Variants in SYN2 observed in about 807,000 individuals in gnomAD.
The protein encoded by SYN2 is synapsin II.
A neutral mutation model predicts 50.9 loss-of-function variants in SYN2; 19 were observed. The observed-to-expected ratio is 0.37, with a 90% CI of 0.26 to 0.55. SYN2 has a LOEUF of 0.55. Ranked by LOEUF, SYN2 falls within the 20% of genes least tolerant of loss-of-function variation. The pLI is 0.81. For missense variants in SYN2, 587 were observed against 576.4 expected, an observed-to-expected ratio of 1.02 and a Z score of -0.19; for synonymous variants, 255 against 224.9, an observed-to-expected ratio of 1.13 and a Z score of -1.20.
Position 12,162,145 on chromosome 3 carries a change from A to C in SYN2, c.971A>C (p.Lys324Thr), listed in dbSNP as rs767982219. The change falls in exon 7 of 13, where the codon AAG becomes ACG. Residue 324 changes from lysine (K) to threonine (T), a missense_variant. Physicochemically the swap from Lys to Thr is moderately conservative, Grantham distance 78. Transcript: ENST00000621198. ...GTCCAGAAGATTGGCAACAACTACA[A>C]GGCTTACATGTGAGTAAGAGTGGGG... ...IRVQKIGNNYKAYMRTSISGN... is the reference protein window; with the variant it reads ...IRVQKIGNNYTAYMRTSISGN... 1.9e-6 allele frequency: 3 copies of C among 1,614,104 alleles called. No homozygotes were observed. Among genetic ancestry groups the C allele is most frequent in the Non-Finnish European group, 2.5e-6 (3 of 1,179,992 alleles).
At chr3:12,086,119 A>C (rs1025805221) in intron 1 of SYN2, among the ~76,000 whole-genome samples, 5 of 152,150 alleles carry the variant, frequency 3.3e-5, no homozygotes, top group African/African-American at 9.6e-5. Context: ...AACAAATTGC[A>C]TAAGCAGAAG....
At chr3:12,145,925 C>A in intron 4 of SYN2, 90 bp downstream of exon 4, 8 of 1,549,852 alleles carry the variant, frequency 5.2e-6, no homozygotes, top group Non-Finnish European at 7.0e-6. Context: ...ATGCAGTAGG[C>A]CCCAGCCCCA....
chr3:12,085,562 T>C (rs761062078), intron 1 of SYN2, among the ~76,000 whole-genome samples: 6 of 152,162 alleles, frequency 3.9e-5, no homozygotes, highest in Non-Finnish European at 8.8e-5. Flanking sequence ...TTGCGTATCT[T>C]TTCCAACTAC....
intron 1 of SYN2, among the ~76,000 whole-genome samples, chr3:12,139,167 G>A (rs527649146): frequency 6.6e-6 from 1 of 152,228 alleles, no homozygotes; most frequent in Non-Finnish European, 1.5e-5. Flanking sequence ...GGGTGGCCAG[G>A]GACTTGGATA....
At chr3:12,116,998 G>C (rs754354515) in intron 1 of SYN2, among the ~76,000 whole-genome samples, 3 of 152,004 alleles carry the variant, frequency 2.0e-5, no homozygotes, top group Non-Finnish European at 4.4e-5. Context: ...CAATCTTCCT[G>C]CCTTAGCCTT....
intron 2 of SYN2, among the ~76,000 whole-genome samples, chr3:12,141,601 A>G (rs1697021796): frequency 6.6e-6 from 1 of 152,182 alleles, no homozygotes; most frequent in African/African-American, 2.4e-5. Context: ...AGGCAGCACA[A>G]AGGATGCTGG....
At chr3:12,110,672 A>T (rs1252301395) in intron 1 of SYN2, among the ~76,000 whole-genome samples, 1 of 151,958 alleles carries the variant, frequency 6.6e-6, no homozygotes, top group Non-Finnish European at 1.5e-5. Context: ...CAGCACAGGG[A>T]CTCTGGCCCG....
In SYN2 at chr3:12,190,725, A is replaced by T; in HGVS notation, c.*100A>T. On this transcript the variant is annotated 3_prime_UTR_variant, in exon 13 of 13. Transcript: ENST00000621198. Reference sequence around the variant, plus strand: ...TTGGTGGTTATGTCCCATGACCTTGACGTGTGTGGTCCCTTCCTCTGCTCT... The same window carrying T: ...TTGGTGGTTATGTCCCATGACCTTGTCGTGTGTGGTCCCTTCCTCTGCTCT... 6.6e-7 allele frequency: 1 copy of T among 1,519,276 alleles called. No homozygotes were observed. The highest frequency in any genetic ancestry group is 8.8e-7 in the Non-Finnish European group (1 of 1,137,098). The allele number at this position is 1,519,276 out of a possible 1,614,324, so 94.1% of individuals were successfully genotyped here.
chr3:12,073,093 C>T (rs1190885320), intron 1 of SYN2, among the ~76,000 whole-genome samples: 2 of 152,194 alleles, frequency 1.3e-5, no homozygotes, highest in Non-Finnish European at 2.9e-5. Flanking sequence ...TGGCTCCCAA[C>T]ATTCTACAGT....
chr3:12,092,103 A>C (rs1391346578), intron 1 of SYN2, among the ~76,000 whole-genome samples: 1 of 148,380 alleles, frequency 6.7e-6, no homozygotes, highest in Non-Finnish European at 1.5e-5. Flanking sequence ...TTTTCACCCA[A>C]ATATGCTTTC....
chr3:12,188,160 T>G (rs1457937025), intron 12 of SYN2, among the ~76,000 whole-genome samples: 1 of 152,126 alleles, frequency 6.6e-6, no homozygotes, highest in Non-Finnish European at 1.5e-5. Context: ...CCAAAGGAGG[T>G]CAGTTTCTGG....
At chr3:12,105,170 A>T (rs1394798427) in intron 1 of SYN2, among the ~76,000 whole-genome samples, 2 of 152,116 alleles carry the variant, frequency 1.3e-5, no homozygotes, top group Non-Finnish European at 2.9e-5. Flanking sequence ...AAATTAGAAG[A>T]ATGTCAACTC....
chr3:12,114,004 C>G (rs945330398), intron 1 of SYN2, among the ~76,000 whole-genome samples: 7 of 152,096 alleles, frequency 4.6e-5, no homozygotes, highest in African/African-American at 1.4e-4. Flanking sequence ...TGAGAAACTA[C>G]CAGACTGTTC....
intron 1 of SYN2, among the ~76,000 whole-genome samples, chr3:12,093,514 G>A (rs1043057599): frequency 4.6e-5 from 7 of 152,074 alleles, no homozygotes; most frequent in African/African-American, 1.7e-4. Context: ...GTTTAATGAT[G>A]GCTCTGCCAT....
At chr3:12,026,515 C>A (rs1694260781) in intron 1 of SYN2, among the ~76,000 whole-genome samples, 1 of 152,090 alleles carries the variant, frequency 6.6e-6, no homozygotes, top group African/African-American at 2.4e-5. Context: ...GGATTAACAA[C>A]AAAGGCGGCA....
intron 10 of SYN2, among the ~76,000 whole-genome samples, chr3:12,170,909 C>T (rs1697922306): frequency 6.6e-6 from 1 of 152,202 alleles, no homozygotes; most frequent in Admixed American, 6.5e-5. Context: ...GCTTCGTGAC[C>T]AGCACATAAA....
intron 1 of SYN2, among the ~76,000 whole-genome samples, chr3:12,033,465 T>A (rs1694425901): frequency 6.6e-6 from 1 of 152,060 alleles, no homozygotes; most frequent in Admixed American, 6.6e-5. Flanking sequence ...TGAGGCAGAC[T>A]AGGGTACGAG....
chr3:12,139,174 G>T (rs1470909626), intron 1 of SYN2, among the ~76,000 whole-genome samples: 1 of 152,158 alleles, frequency 6.6e-6, no homozygotes, highest in Non-Finnish European at 1.5e-5. Context: ...CAGGGACTTG[G>T]ATAGGACAAA....
At chr3:12,006,634 C>G (rs6789117) in intron 1 of SYN2, among the ~76,000 whole-genome samples, 1 of 152,234 alleles carries the variant, frequency 6.6e-6, no homozygotes, top group East Asian at 1.9e-4. Context: ...CTGTTTGACT[C>G]CACTGCTTTC....
Sources: allele counts gnomAD v4.1 joint callset (sites outside exome capture counted in the v4.1 genomes callset), GRCh38; gene constraint gnomAD v4.1.1; transcripts MANE v1.5; gene names NCBI Gene and HGNC (gene_info 2026-07-23, HGNC 2026-07-21).